Variants in ERMP1 observed in about 807,000 individuals in gnomAD.
ERMP1 encodes endoplasmic reticulum metallopeptidase 1, also known as Felix-ina.
Under a neutral mutation model 92.0 loss-of-function variants are expected in ERMP1, and 86 were observed. That is an observed-to-expected ratio of 0.93 (90% CI 0.79 to 1.12). ERMP1 has a LOEUF of 1.12. Ranked by LOEUF, ERMP1 falls within the 50% of genes most tolerant of loss-of-function variation. The pLI is 0.00. For synonymous variants in ERMP1, 530 were observed against 412.8 expected, an observed-to-expected ratio of 1.28 and a Z score of -3.44; for missense variants, 1,342 against 1,116.3, an observed-to-expected ratio of 1.20 and a Z score of -2.88.
intron 1 of ERMP1, chr9:5,832,368 G>C (rs1829975129): frequency 3.1e-6 from 1 of 326,680 alleles, no homozygotes; most frequent in Non-Finnish European, 5.6e-6. Flanking sequence ...AAGGTAAAAA[G>C]GGGAAGCTGT....
At chr9:5,807,137 A>G (rs1297619715) in intron 8 of ERMP1, among the ~76,000 whole-genome samples, 1 of 152,066 alleles carries the variant, frequency 6.6e-6, no homozygotes, top group Non-Finnish European at 1.5e-5. Context: ...GCTCGAATCT[A>G]TTTTCCTCCT....
chr9:5,866,783 G>T (rs1371158262), intron 5 of ERMP1, among the ~76,000 whole-genome samples: 3 of 152,154 alleles, frequency 2.0e-5, no homozygotes, highest in Non-Finnish European at 2.9e-5. Context: ...GTGGGGATGG[G>T]CAAAGAGCAA....
At chr9:5,860,522 T>C (rs537106726) in intron 5 of ERMP1, among the ~76,000 whole-genome samples, 4 of 152,102 alleles carry the variant, frequency 2.6e-5, no homozygotes, top group South Asian at 4.1e-4. Flanking sequence ...CAATTGCTCA[T>C]AACGTAACCA....
intron 5 of ERMP1, among the ~76,000 whole-genome samples, chr9:5,861,195 G>A (rs7026616): frequency 0.012 from 1,309 of 107,924 alleles, 16 homozygotes; most frequent in East Asian, 0.086. Flanking sequence ...GTGTGTGTGT[G>A]TGTGTGTGTG....
At chr9:5,855,518 A>C (rs1830363171) in intron 6 of ERMP1, among the ~76,000 whole-genome samples, 8 of 152,206 alleles carry the variant, frequency 5.3e-5, no homozygotes, top group Admixed American at 5.2e-4. Context: ...GTCAAAAATC[A>C]CCTAGAGCTT....
chr9:5,839,810 T>C (rs1290215240), intron 6 of ERMP1, among the ~76,000 whole-genome samples: 4 of 152,154 alleles, frequency 2.6e-5, no homozygotes, highest in Admixed American at 6.5e-5. Context: ...GAGACAACAA[T>C]GGATCTTGTA....
At chr9:5,797,587 G>A (rs915225007) in intron 13 of ERMP1, among the ~76,000 whole-genome samples, 10 of 151,200 alleles carry the variant, frequency 6.6e-5, no homozygotes, top group Admixed American at 2.6e-4. Context: ...GGCGGAGGTT[G>A]CAGTGAGCCG....
chr9:5,815,511 A>C (rs889411288), intron 4 of ERMP1, among the ~76,000 whole-genome samples: 17 of 151,522 alleles, frequency 1.1e-4, no homozygotes, highest in Middle Eastern at 3.4e-3. Flanking sequence ...AAAAAAAAAA[A>C]AAGGAAAATG....
chr9:5,790,835 C>T (rs1405885255), intron 13 of ERMP1, among the ~76,000 whole-genome samples: 5 of 152,254 alleles, frequency 3.3e-5, no homozygotes, highest in Admixed American at 6.5e-5. Flanking sequence ...CAATATTCCA[C>T]TCAGTACAAG....
At chr9:5,832,400 T>C in intron 1 of ERMP1, 1 of 398,728 alleles carries the variant, frequency 2.5e-6, no homozygotes, top group Non-Finnish European at 4.4e-6. Context: ...GGGAGACGAC[T>C]CACAACCAAC....
rs190379974 is a variant in ERMP1, at chr9:5,827,817, A to G, written c.641-2598T>C. 7.8e-3 allele frequency among the ~76,000 whole-genome samples: 1,185 copies of G among 151,834 alleles called. 19 individuals are homozygous for G. Among genetic ancestry groups the G allele is most frequent in the African/African-American group, 0.027 (1,134 of 41,416 alleles). Reference sequence around the variant, plus strand: ...GGGCGAGAGCGAGACTCCGTCTCAAAAAAAAAAAAAATTCGCAAGGCATGG... The same window carrying G: ...GGGCGAGAGCGAGACTCCGTCTCAAGAAAAAAAAAAATTCGCAAGGCATGG... On this transcript the variant is annotated intron_variant, in intron 2 of 14. Transcript: ENST00000339450.
chr9:5,833,752 A>C (rs1360850029), upstream of ERMP1, among the ~76,000 whole-genome samples: 2 of 152,242 alleles, frequency 1.3e-5, no homozygotes, highest in African/African-American at 4.8e-5. Context: ...CAGATGAAGA[A>C]TGTAAATCTA....
At chr9:5,831,830 C>T (rs758836338) in intron 1 of ERMP1, among the ~76,000 whole-genome samples, 6 of 152,176 alleles carry the variant, frequency 3.9e-5, no homozygotes, top group African/African-American at 1.2e-4. Context: ...CAGGCCAAAA[C>T]CAACTGTACC....
chr9:5,837,857 C>G (rs1336449031), upstream of ERMP1, among the ~76,000 whole-genome samples: 2 of 152,138 alleles, frequency 1.3e-5, no homozygotes, highest in African/African-American at 2.4e-5. Flanking sequence ...AATCCCAGCA[C>G]TTTGGGAGGC....
chr9:5,812,208 A>G lies in ERMP1; in HGVS notation c.1031T>C (p.Leu344Ser). Residue 344 changes from leucine (L) to serine (S), a missense_variant, in exon 6 of 15, where the codon TTA becomes TCA. Transcript: ENST00000339450. ...AATGTATCCATTCTCAATAAAAGCT[A>G]AGTCTATTCCTAAAACATATATATA... The part of the protein sequence containing the change: ...RDFGNIPGID[L>S]AFIENGYIYH... 6.3e-7 allele frequency: 1 copy of G among 1,593,278 alleles called. No individual in the cohort carries two copies. The highest frequency in any genetic ancestry group is 8.6e-7 in the Non-Finnish European group (1 of 1,165,666).
intron 6 of ERMP1, 31 bp from the exon 7 acceptor site, chr9:5,811,354 AAAAGG>A: frequency 6.6e-7 from 1 of 1,514,514 alleles, no homozygotes; most frequent in South Asian, 1.2e-5. Context: ...AAAAAGAAAG[AAAAGG>A]AAAAAGATAA....
chr9:5,811,434 C>A (rs956007350), intron 6 of ERMP1, 111 bp from the exon 7 acceptor site: 13 of 760,424 alleles, frequency 1.7e-5, no homozygotes, highest in Non-Finnish European at 2.3e-5. Context: ...AAACCATATA[C>A]TGTTTGAATG....
chr9:5,842,508 CACA>C (rs1344161321), intron 6 of ERMP1, among the ~76,000 whole-genome samples: 2 of 151,258 alleles, frequency 1.3e-5, no homozygotes. Flanking sequence ...CTGTGGTTTG[CACA>C]ACATTATAAA....
intron 8 of ERMP1, among the ~76,000 whole-genome samples, chr9:5,806,709 G>T (rs1288772824): frequency 6.6e-6 from 1 of 152,020 alleles, no homozygotes; most frequent in South Asian, 2.1e-4. Flanking sequence ...CAAAGCACTG[G>T]GATTACAGGT....
Sources: gnomAD v4.1 joint callset for allele counts (sites outside exome capture counted in the v4.1 genomes callset) on GRCh38, gnomAD v4.1.1 for gene constraint, MANE v1.5 for transcripts, NCBI Gene and HGNC (gene_info 2026-07-23, HGNC 2026-07-21) for gene names.